Variants in APOBEC3F observed in about 807,000 individuals in gnomAD.
APOBEC3F encodes apolipoprotein B mRNA editing enzyme catalytic subunit 3F.
Under a neutral mutation model 45.8 loss-of-function variants are expected in APOBEC3F, and 34 were observed. The ratio of observed to expected loss-of-function variants is 0.74; its 90% confidence interval spans 0.57 to 0.99. The LOEUF (loss-of-function observed/expected upper bound fraction) is 0.99, where lower values mean the gene tolerates loss of function less well. APOBEC3F is among the 50% of genes least tolerant of loss of function. APOBEC3F has a pLI of 0.00. For synonymous variants in APOBEC3F, 192 were observed against 174.4 expected (o/e 1.10, Z -0.80); for missense variants, 459 against 474.1 (o/e 0.97, Z 0.30).
intron 4 of APOBEC3F, among the ~76,000 whole-genome samples, chr22:39,048,535 C>A (rs561358738): frequency 6.6e-6 from 1 of 152,032 alleles, no homozygotes; most frequent in South Asian, 2.1e-4. Flanking sequence ...TAGGTCTGGC[C>A]GCGATGGCTC....
Position 39,042,924 on chromosome 22 carries a change from C to T in APOBEC3F, c.18-13C>T, listed in dbSNP as rs747576949. The T allele has an allele frequency of 1.2e-6, 2 of 1,613,488 alleles. No individual in the cohort carries two copies. The highest frequency in any genetic ancestry group is 8.5e-7 in the Non-Finnish European group (1 of 1,179,608). ...GCTCTCTACATTGGCTGGTTTCTCT[C>T]TTGTGTCTTCAGAAACACAGTGGAG... On this transcript the variant is annotated splice_polypyrimidine_tract_variant and intron_variant, in intron 1 of 6. Transcript: ENST00000308521.
intron 4 of APOBEC3F, 87 bp from the exon 5 acceptor site, chr22:39,049,338 G>C: frequency 6.9e-7 from 1 of 1,458,238 alleles, no homozygotes; most frequent in Non-Finnish European, 9.4e-7. Context: ...CATTCCCAGG[G>C]CTGTCCAGTG....
In APOBEC3F at chr22:39,052,346, C is replaced by A. The variant is rs1385411643; in HGVS notation, c.996C>A (p.Gly332=). 6.2e-7 allele frequency: 1 copy of A among 1,614,092 alleles called. No individual in the cohort carries two copies. Among genetic ancestry groups the A allele is most frequent in the Non-Finnish European group, 8.5e-7 (1 of 1,179,948 alleles). The part of the protein sequence containing the change: ...SQEGASVEIM[G]YKDFKYCWEN... ...AAGGGGCCTCCGTGGAGATCATGGG[C>A]TACAAAGGTGAGACGTTGGGGGGCT... Residue 332 remains glycine, a synonymous_variant, in exon 6 of 7, where the codon GGC becomes GGA. Transcript: ENST00000308521.
At position 39,055,912 on chromosome 22, in the gene APOBEC3F, CA is replaced by C. The variant is rs1927673311; in HGVS notation, c.*3219del. ...GGCCAGGGACTTCTTCAGGGAGCTC[CA>C]ATCTTCAGATGCAAGTCTGTCAACG... On this transcript the variant is annotated 3_prime_UTR_variant, in exon 7 of 7. Transcript: ENST00000308521. Among the ~76,000 whole-genome samples, 1 of 152,178 alleles carries C rather than the reference CA, an allele frequency of 6.6e-6. No homozygotes were observed. Among genetic ancestry groups the C allele is most frequent in the Admixed American group, 6.6e-5 (1 of 15,264 alleles).
rs1180870376 is a variant in APOBEC3F, at chr22:39,054,351, C to T, written c.*1656C>T. Among the ~76,000 whole-genome samples the T allele has an allele frequency of 6.6e-6, 1 of 152,204 alleles. No individual in the cohort carries two copies. The highest frequency in any genetic ancestry group is 1.5e-5 in the Non-Finnish European group (1 of 68,048). On this transcript the variant is annotated 3_prime_UTR_variant, in exon 7 of 7. Transcript: ENST00000308521. ...AGTTCAAGCTATTTTCCTACCTAAG[C>T]CTCCCAAGTAGCTGGGATTACATGC...
At position 39,054,668 on chromosome 22, in the gene APOBEC3F, A is replaced by G. The variant is rs535826309; in HGVS notation, c.*1973A>G. Among the ~76,000 whole-genome samples the G allele has an allele frequency of 6.6e-6, 1 of 152,332 alleles. No homozygotes were observed. Among genetic ancestry groups the G allele is most frequent in the African/African-American group, 2.4e-5 (1 of 41,570 alleles). On this transcript the variant is annotated 3_prime_UTR_variant, in exon 7 of 7. Transcript: ENST00000308521. ...CTGTTGCTGTCTCTGTTCTCCCAACATGGTGAACACCACCCGGACTGCGTG... is the reference window on the plus strand; with the variant it reads ...CTGTTGCTGTCTCTGTTCTCCCAACGTGGTGAACACCACCCGGACTGCGTG...
rs1927528343 is a variant in APOBEC3F at position 39,052,283 on chromosome 22, T to G, written c.933T>G (p.Asp311Glu). The G allele has an allele frequency of 1.2e-6, 2 of 1,614,034 alleles. No homozygotes were observed. The highest frequency in any genetic ancestry group is 1.3e-5 in the African/African-American group (1 of 74,928). Reference protein sequence around the residue: ...IFTARLYYFWDTDYQEGLRSL... With the variant: ...IFTARLYYFWETDYQEGLRSL... The stretch of plus-strand genomic sequence containing the variant: ...CCGCCCGCCTCTACTACTTCTGGGA[T>G]ACAGATTACCAGGAGGGGCTCCGCA... Residue 311 changes from aspartate (D) to glutamate (E), a missense_variant, in exon 6 of 7, where the codon GAT becomes GAG. Coordinates refer to ENST00000308521, the MANE Select transcript of APOBEC3F (RefSeq NM_145298.6).
intron 4 of APOBEC3F, among the ~76,000 whole-genome samples, chr22:39,047,072 C>T (rs1421713548): frequency 1.3e-5 from 2 of 152,134 alleles, no homozygotes; most frequent in Admixed American, 1.3e-4. Context: ...AAGAGCTCAG[C>T]CTGCCAGGGA....
At chr22:39,044,284 A>G in intron 2 of APOBEC3F, 1 of 1,547,208 alleles carries the variant, frequency 6.5e-7, no homozygotes, top group Admixed American at 1.9e-5. Flanking sequence ...GGATGCCAGA[A>G]TTCACGCATG....
chr22:39,043,981 C>T, intron 2 of APOBEC3F: 1 of 1,419,576 alleles, frequency 7.0e-7, no homozygotes, highest in South Asian at 1.6e-5. Flanking sequence ...GCCGAGATTG[C>T]ATCATTGCAC....
chr22:39,050,632 G>A (rs1927440641), intron 5 of APOBEC3F, among the ~76,000 whole-genome samples: 2 of 151,782 alleles, frequency 1.3e-5, no homozygotes, highest in East Asian at 3.9e-4. Context: ...AATATAAAAT[G>A]CCTCATGAGA....
chr22:39,048,095 A>C (rs1276673866), intron 4 of APOBEC3F, among the ~76,000 whole-genome samples: 2 of 152,188 alleles, frequency 1.3e-5, no homozygotes, highest in African/African-American at 4.8e-5. Flanking sequence ...AACCTGCAAC[A>C]TGGAGTGTAG....
At position 39,054,524 on chromosome 22, in the gene APOBEC3F, C is replaced by T. The variant is rs969646285; in HGVS notation, c.*1829C>T. On this transcript the variant is annotated 3_prime_UTR_variant, in exon 7 of 7. Transcript: ENST00000308521. ...GGATTACAGGCGTGAGCCACCTGGC[C>T]AGGCTTAGGCTGGTCTTAAACTCCT... is the stretch of plus-strand genomic sequence containing the variant. Among the ~76,000 whole-genome samples, 4 of 152,152 alleles carry T rather than the reference C, an allele frequency of 2.6e-5. No homozygotes were observed. The highest frequency in any genetic ancestry group is 7.2e-5 in the African/African-American group (3 of 41,424).
chr22:39,041,229 C>T (rs574605724), intron 1 of APOBEC3F, among the ~76,000 whole-genome samples: 94 of 152,220 alleles, frequency 6.2e-4, no homozygotes, highest in African/African-American at 2.2e-3. Flanking sequence ...CCCCCGCCAC[C>T]GAAAGTCATG....
intron 3 of APOBEC3F, 70 bp from the exon 4 acceptor site, chr22:39,045,358 G>C: frequency 6.2e-7 from 1 of 1,610,508 alleles, no homozygotes; most frequent in Non-Finnish European, 8.5e-7. Context: ...TGACAGCCAG[G>C]AGACCAGGCC....
chr22:39,044,871 C>T, intron 2 of APOBEC3F, 70 bp from the exon 3 acceptor site: 1 of 1,415,664 alleles, frequency 7.1e-7, no homozygotes, highest in Non-Finnish European at 9.6e-7. Flanking sequence ...CCCCTCCTCT[C>T]CCTGCCCCAC....
In APOBEC3F at chr22:39,052,662, C is replaced by T. The variant is rs1440870344; in HGVS notation, c.1089C>T (p.Phe363=). Residue 363 remains phenylalanine (F), a synonymous_variant, in exon 7 of 7, where the codon TTC becomes TTT. Transcript: ENST00000308521. ...PWKGLKYNFL[F]LDSKLQEILE ...AAGGACTAAAATACAACTTTCTATT[C>T]CTGGACAGCAAGCTGCAGGAGATTC... 5.6e-6 allele frequency: 9 copies of T among 1,614,134 alleles called. No individual in the cohort carries two copies. The East Asian group carries it at 8.9e-5, about 16-fold the overall frequency.
At chr22:39,052,399 A>G (rs780111385) in intron 6 of APOBEC3F, 46 bp downstream of exon 6, 2 of 1,606,312 alleles carry the variant, frequency 1.2e-6, no homozygotes, top group Non-Finnish European at 1.7e-6. Flanking sequence ...GAGGGACAGC[A>G]TGAGGGGCAG....
chr22:39,053,967 C>T lies in APOBEC3F; in HGVS notation c.*1272C>T, dbSNP rs1927612494. The stretch of plus-strand genomic sequence containing the variant: ...GGAACCTCCCAGTTCCCAACCCTTC[C>T]TAGTGCCCATGGGCTTTCCCATAGG... On this transcript the variant is annotated 3_prime_UTR_variant, in exon 7 of 7. Transcript: ENST00000308521. 1 of 152,186 alleles carries T rather than the reference C, an allele frequency of 6.6e-6. No individual in the cohort carries two copies. The highest frequency in any genetic ancestry group is 6.5e-5 in the Admixed American group (1 of 15,282). 9.4% of individuals were successfully genotyped at this position (152,186 alleles called of 1,614,324 possible).
Sources: allele counts gnomAD v4.1 joint callset (sites outside exome capture counted in the v4.1 genomes callset), GRCh38; gene constraint gnomAD v4.1.1; transcripts MANE v1.5; gene names NCBI Gene and HGNC (gene_info 2026-07-23, HGNC 2026-07-21).